The following OCEL1 variants were observed in gnomAD, a reference collection of about 807,000 sequenced individuals.
OCEL1 encodes occludin/ELL domain-containing protein 1.
OCEL1 carries 24 observed loss-of-function variants against 29.4 expected under a neutral mutation model. The ratio of observed to expected loss-of-function variants is 0.82; its 90% confidence interval spans 0.59 to 1.15. The LOEUF (loss-of-function observed/expected upper bound fraction) is 1.15. Ranked by LOEUF, OCEL1 falls within the 50% of genes most tolerant of loss-of-function variation. OCEL1 has a pLI of 0.00. For synonymous variants in OCEL1, 172 were observed against 145.3 expected (o/e 1.18, Z -1.32); for missense variants, 402 against 352.5 (o/e 1.14, Z -1.13).
In OCEL1 at chr19:17,228,884, T is replaced by A; in HGVS notation, c.754T>A (p.Phe252Ile). ...GCATCTCAAGACTCAGATCCAGAAA[T>A]TCGATGACCAAGGAGACAGCGAGGG... ...LRHLKTQIQK[F>I]DDQGDSEGSV... Residue 252 changes from phenylalanine to isoleucine, a missense_variant, in exon 6 of 6, where the codon TTC becomes ATC. By Grantham distance (21) the Phe-to-Ile change is conservative. Coordinates refer to ENST00000215061, the MANE Select transcript of OCEL1 (RefSeq NM_024578.3). The A allele has an allele frequency of 6.2e-7, 1 of 1,613,706 alleles. No individual in the cohort carries two copies. Among genetic ancestry groups the A allele is most frequent in the Non-Finnish European group, 8.5e-7 (1 of 1,179,880 alleles).
rs146648325 is a variant in OCEL1 at position 17,227,993 on chromosome 19, A to C, written c.606A>C (p.Pro202=). ...AGGCCCTGCTGAGCTCCCTGCCCCC[A>C]CCCCAAAGCCAGGTCAGCACTAGGG... is the stretch of plus-strand genomic sequence containing the variant. The part of the protein sequence containing the change: ...QLEALLSSLP[P]PQSQKEAQVA... The change falls in exon 4 of 6, where the codon CCA becomes CCC. Residue 202 remains proline (P), a synonymous_variant. Coordinates refer to ENST00000215061, the MANE Select transcript of OCEL1 (RefSeq NM_024578.3). The C allele has an allele frequency of 1.2e-3, 1,951 of 1,611,634 alleles. 18 individuals carry two copies. The African/African-American group carries it at 0.021, about 17-fold the overall frequency.
At chr19:17,226,923 G>A (rs2073366743) in intron 2 of OCEL1, 54 bp downstream of exon 2, 1 of 1,522,252 alleles carries the variant, frequency 6.6e-7, no homozygotes, top group African/African-American at 1.4e-5. Context: ...AAAAGATTTA[G>A]CCCCTCCAGT....
rs762246435 is a variant in OCEL1 at position 17,226,295 on chromosome 19, G to C, written c.48G>C (p.Ser16=). ...CCTCTCCGACAGCAGATCCAGGCTC[G>C]GAGCTCCAGACGCTGGGACAGGTGA... ...GSASPTADPG[S]ELQTLGQAAR... The change falls in exon 1 of 6, where the codon TCG becomes TCC. Residue 16 remains serine (S), a synonymous_variant. Transcript: ENST00000215061. 6.8e-6 allele frequency: 11 copies of C among 1,612,322 alleles called. No homozygotes were observed. The highest frequency in any genetic ancestry group is 9.3e-6 in the Non-Finnish European group (11 of 1,179,576).
chr19:17,228,980 T>G lies in OCEL1; in HGVS notation c.*55T>G, dbSNP rs2073389233. On this transcript the variant is annotated 3_prime_UTR_variant, in exon 6 of 6. Transcript: ENST00000215061. ...TGGGGATGCAGGTCCCTTGCATTTC[T>G]TGGTATCTCTCAGCTTTTCCTCTTG... 1 of 1,579,598 alleles carries G rather than the reference T, an allele frequency of 6.3e-7. No individual in the cohort carries two copies. Among genetic ancestry groups the G allele is most frequent in the Admixed American group, 1.7e-5 (1 of 57,904 alleles).
At chr19:17,227,765 A>G (rs1336736765) in intron 3 of OCEL1, 75 bp from the exon 4 acceptor site, 1 of 1,524,916 alleles carries the variant, frequency 6.6e-7, no homozygotes, top group Non-Finnish European at 8.9e-7. Context: ...ATGGACAAAG[A>G]AAAGCAAATT....
Position 17,226,289 on chromosome 19 carries a change from AG to A in OCEL1, c.44del (p.Gly15AlafsTer35). The part of the protein sequence containing the change: ...DGSASPTADP[G>X]SELQTLGQAA... Reference sequence around the variant, plus strand: ...GAAGTGCCTCTCCGACAGCAGATCCAGGCTCGGAGCTCCAGACGCTGGGACA... The same window carrying A: ...GAAGTGCCTCTCCGACAGCAGATCCAGCTCGGAGCTCCAGACGCTGGGACA... On this transcript the variant is annotated frameshift_variant, in exon 1 of 6. Transcript: ENST00000215061. LOFTEE classifies it high-confidence loss of function. 1 of 1,612,326 alleles carries A rather than the reference AG, an allele frequency of 6.2e-7. No homozygotes were observed. Among genetic ancestry groups the A allele is most frequent in the Non-Finnish European group, 8.5e-7 (1 of 1,179,552 alleles).
chr19:17,227,299 G>A (rs2073371795), intron 3 of OCEL1, 100 bp downstream of exon 3: 5 of 1,140,206 alleles, frequency 4.4e-6, no homozygotes, highest in Non-Finnish European at 5.9e-6. Flanking sequence ...AGAGTAGAAA[G>A]GAAAGGATCC....
At chr19:17,226,946 G>A (rs1317070891) in intron 2 of OCEL1, 48 bp from the exon 3 acceptor site, 1 of 1,533,378 alleles carries the variant, frequency 6.5e-7, no homozygotes, top group East Asian at 2.4e-5. Context: ...GAGGGACTCC[G>A]GTTTCCCGAC....
intron 4 of OCEL1, 27 bp from the exon 5 acceptor site, chr19:17,228,229 A>G: frequency 6.2e-7 from 1 of 1,608,968 alleles, no homozygotes; most frequent in Non-Finnish European, 8.5e-7. Flanking sequence ...CTCTCCCTAA[A>G]CCCCCTTTCT....
intron 1 of OCEL1, 98 bp from the exon 2 acceptor site, chr19:17,226,595 C>T (rs1285403194): frequency 1.0e-5 from 13 of 1,297,890 alleles, no homozygotes; most frequent in Middle Eastern, 5.5e-4. Flanking sequence ...AACTCTGCTC[C>T]CGCGGGGTGA....
At chr19:17,228,027 C>T (rs1215754331) in intron 4 of OCEL1, 22 bp downstream of exon 4, 2 of 1,609,462 alleles carry the variant, frequency 1.2e-6, no homozygotes, top group African/African-American at 2.7e-5. Flanking sequence ...GGAGAAAGCC[C>T]TGCCCCGCAG....
chr19:17,226,584 G>T (rs1341105960), intron 1 of OCEL1, 109 bp from the exon 2 acceptor site: 22 of 1,222,450 alleles, frequency 1.8e-5, no homozygotes, highest in Admixed American at 1.2e-4. Flanking sequence ...TCGTTCTGGG[G>T]AACTCTGCTC....
chr19:17,227,708 A>T (rs186774007), intron 3 of OCEL1, 132 bp from the exon 4 acceptor site: 14 of 800,524 alleles, frequency 1.7e-5, no homozygotes, highest in African/African-American at 3.5e-5. Flanking sequence ...AATAATAAAT[A>T]AATTAAAAGA....
Position 17,226,804 on chromosome 19 carries a change from G to A in OCEL1, c.181G>A (p.Glu61Lys), listed in dbSNP as rs979895211. The stretch of plus-strand genomic sequence containing the variant: ...CTCCCGGAGGCCGATGCCCACCCGG[G>A]AGCCCCCAAAGACTCGCGGCTCCCG... ...CFSRRPMPTR[E>K]PPKTRGSRGH... Residue 61 changes from glutamate (E) to lysine (K), a missense_variant, in exon 2 of 6, where the codon GAG becomes AAG. Coordinates refer to ENST00000215061, the MANE Select transcript of OCEL1 (RefSeq NM_024578.3). 6.3e-7 allele frequency: 1 copy of A among 1,594,236 alleles called. No individual in the cohort carries two copies. The highest frequency in any genetic ancestry group is 1.7e-5 in the Admixed American group (1 of 57,536).
At chr19:17,228,078 T>C in intron 4 of OCEL1, 73 bp downstream of exon 4, 1 of 1,569,734 alleles carries the variant, frequency 6.4e-7, no homozygotes, top group Non-Finnish European at 8.7e-7. Context: ...GGACACCCAC[T>C]GGGTCCAGAT....
intron 4 of OCEL1, 46 bp downstream of exon 4, chr19:17,228,051 C>A (rs773354043): frequency 1.2e-6 from 2 of 1,600,274 alleles, no homozygotes; most frequent in South Asian, 1.1e-5. Flanking sequence ...TTCTGAGTGG[C>A]CCGACCCAAG....
At position 17,227,206 on chromosome 19, in the gene OCEL1, G is replaced by T; in HGVS notation, c.452+7G>T. The T allele has an allele frequency of 6.8e-7, 1 of 1,476,210 alleles. No individual in the cohort carries two copies. The highest frequency in any genetic ancestry group is 9.0e-7 in the Non-Finnish European group (1 of 1,116,164). 91.4% of individuals were successfully genotyped at this position (1,476,210 alleles called of 1,614,324 possible). ...CAGTGCCCGACTATGAGCTGTGAGTGTCCCCCATGTGATTCTTCATGCCTG... is the reference window on the plus strand; with the variant it reads ...CAGTGCCCGACTATGAGCTGTGAGTTTCCCCCATGTGATTCTTCATGCCTG... On this transcript the variant is annotated splice_region_variant and intron_variant, in intron 3 of 5. Transcript: ENST00000215061.
At chr19:17,226,473 A>G (rs2073360323) in intron 1 of OCEL1, 157 bp downstream of exon 1, 1 of 972,182 alleles carries the variant, frequency 1.0e-6, no homozygotes, top group Non-Finnish European at 1.5e-6. Context: ...CTGCGCGGCG[A>G]CGTCAGAGTT....
At position 17,227,903 on chromosome 19, in the gene OCEL1, G is replaced by C. The variant is rs371952262; in HGVS notation, c.516G>C (p.Gln172His). The C allele has an allele frequency of 6.4e-5, 103 of 1,613,764 alleles. No homozygotes were observed. The highest frequency in any genetic ancestry group is 8.3e-5 in the Non-Finnish European group (98 of 1,180,044). ...RSRYVAVFQD[Q>H]YGEFLELQHE... ...GCTATGTCGCAGTGTTCCAGGACCA[G>C]TACGGAGAGTTCTTGGAGCTCCAGC... The change falls in exon 4 of 6, where the codon CAG (glutamine) becomes CAC (histidine). Residue 172 changes from glutamine (Q) to histidine (H), a missense_variant. Gln to His is a conservative substitution (Grantham distance 24). Transcript: ENST00000215061.
Sources: gnomAD v4.1 joint callset for allele counts on GRCh38, gnomAD v4.1.1 for gene constraint, MANE v1.5 for transcripts, NCBI Gene and HGNC (gene_info 2026-07-23, HGNC 2026-07-21) for gene names.